BLM: variants seen among roughly 807,000 people sequenced by gnomAD.
BLM encodes BLM RecQ like helicase.
In BLM, 95 loss-of-function variants were observed where a neutral mutation model predicts 135.3. The observed-to-expected ratio is 0.70, with a 90% CI of 0.59 to 0.83. The LOEUF (loss-of-function observed/expected upper bound fraction) is 0.83. Ranked by LOEUF, BLM falls within the 40% of genes least tolerant of loss-of-function variation. The probability of loss-of-function intolerance (pLI) is 0.00; values close to 1 mark genes in which losing one functional copy is unlikely to be tolerated. For missense variants in BLM, 1,518 were observed against 1,663.9 expected (o/e 0.91, Z 1.53); for synonymous variants, 520 against 589.2 (o/e 0.88, Z 1.70).
chr15:90,760,121 A>G (rs778219152), intron 5 of BLM, 26 bp from the exon 6 acceptor site: 4 of 1,602,700 alleles, frequency 2.5e-6, no homozygotes, highest in Non-Finnish European at 3.4e-6. Context: ...TCAAAGAAAA[A>G]TATTAACAAC....
intron 12 of BLM, among the ~76,000 whole-genome samples, chr15:90,774,015 T>G (rs1316548536): frequency 6.6e-6 from 1 of 151,710 alleles, no homozygotes; most frequent in Admixed American, 6.6e-5. Flanking sequence ...AACTGTATGA[T>G]TAACCTTTTC....
chr15:90,742,290 C>CTGAG (rs375718135), intron 1 of BLM, among the ~76,000 whole-genome samples: 41 of 152,276 alleles, frequency 2.7e-4, no homozygotes, highest in African/African-American at 8.7e-4. Flanking sequence ...TGAACAGTCA[C>CTGAG]TGAGTGAGGC....
intron 1 of BLM, among the ~76,000 whole-genome samples, chr15:90,734,133 A>ATGGT (rs1250073896): frequency 2.6e-5 from 4 of 152,194 alleles, no homozygotes; most frequent in African/African-American, 7.2e-5. Context: ...GAATGCAAAG[A>ATGGT]TGGTTTAACA....
intron 15 of BLM, among the ~76,000 whole-genome samples, chr15:90,792,659 G>T (rs906734199): frequency 6.6e-6 from 1 of 152,126 alleles, no homozygotes; most frequent in African/African-American, 2.4e-5. Context: ...TTATAGATAA[G>T]TGTTTATTTA....
chr15:90,737,811 T>G (rs1895258178), intron 1 of BLM, among the ~76,000 whole-genome samples: 2 of 151,272 alleles, frequency 1.3e-5, no homozygotes, highest in Admixed American at 1.3e-4. Context: ...AAGGAAATAA[T>G]AAATATTAGG....
chr15:90,759,982 G>A (rs953307580), intron 5 of BLM, 165 bp from the exon 6 acceptor site: 3 of 574,950 alleles, frequency 5.2e-6, no homozygotes, highest in Non-Finnish European at 9.1e-6. Context: ...TAGTGACAGG[G>A]TCTCACTGTG....
Position 90,815,348 on chromosome 15 carries a change from G to C in BLM, c.*69G>C, listed in dbSNP as rs561223431. On this transcript the variant is annotated 3_prime_UTR_variant, in exon 22 of 22. Transcript: ENST00000355112. The surrounding 1 kb of genome is among the most constrained non-coding windows in gnomAD (Gnocchi z 4.6). ...GCATCTGACCATCTGTGACTATAAAGCTGTTATTCTTGTTATACCATTTGA... is the reference window on the plus strand; with the variant it reads ...GCATCTGACCATCTGTGACTATAAACCTGTTATTCTTGTTATACCATTTGA... The C allele has an allele frequency of 2.7e-5, 42 of 1,539,366 alleles. No homozygotes were observed. The highest frequency in any genetic ancestry group is 3.7e-5 in the Non-Finnish European group (41 of 1,114,602).
chr15:90,790,134 G>C (rs190728178), intron 14 of BLM, among the ~76,000 whole-genome samples: 36 of 151,684 alleles, frequency 2.4e-4, no homozygotes, highest in African/African-American at 8.2e-4. Flanking sequence ...ATCAGCTGGT[G>C]CTATTGGGAA....
At chr15:90,793,096 A>C (rs1896945259) in intron 15 of BLM, among the ~76,000 whole-genome samples, 1 of 151,690 alleles carries the variant, frequency 6.6e-6, no homozygotes, top group Non-Finnish European at 1.5e-5. Context: ...AAAAATACTC[A>C]TAAACTGGAA....
intron 1 of BLM, among the ~76,000 whole-genome samples, chr15:90,717,824 T>C (rs746810290): frequency 7.9e-5 from 12 of 152,246 alleles, no homozygotes; most frequent in Non-Finnish European, 1.5e-4. Flanking sequence ...GAAAACACTT[T>C]GTACTTTTTC....
intron 1 of BLM, among the ~76,000 whole-genome samples, chr15:90,730,121 T>C (rs1895028120): frequency 6.6e-6 from 1 of 152,210 alleles, no homozygotes; most frequent in South Asian, 2.1e-4. Flanking sequence ...CCCAAAGTGC[T>C]GGGATTACAG....
chr15:90,790,007 T>TG (rs1307257834), intron 14 of BLM, among the ~76,000 whole-genome samples: 2 of 126,926 alleles, frequency 1.6e-5, no homozygotes, highest in East Asian at 4.4e-4. Context: ...TTTTTTTTTT[T>TG]TTTTTTTTTT....
chr15:90,756,940 A>G (rs1036433502), intron 5 of BLM, among the ~76,000 whole-genome samples: 1 of 152,244 alleles, frequency 6.6e-6, no homozygotes, highest in Non-Finnish European at 1.5e-5. Context: ...AATGAGGAGA[A>G]TGATATCTAC....
intron 2 of BLM, among the ~76,000 whole-genome samples, chr15:90,748,014 G>A (rs1254693394): frequency 6.6e-6 from 1 of 151,520 alleles, no homozygotes; most frequent in Non-Finnish European, 1.5e-5. Flanking sequence ...CACCTTGTTA[G>A]CCAGGATGGT....
At chr15:90,731,892 G>T (rs904417351) in intron 1 of BLM, among the ~76,000 whole-genome samples, 3 of 152,020 alleles carry the variant, frequency 2.0e-5, no homozygotes, top group Admixed American at 6.5e-5. Flanking sequence ...TAGAGATGAG[G>T]TTTCACCATG....
At chr15:90,790,514 G>A in intron 14 of BLM, 135 bp from the exon 15 acceptor site, 1 of 817,032 alleles carries the variant, frequency 1.2e-6, no homozygotes, top group African/African-American at 1.9e-5. Flanking sequence ...GTTGGACCAA[G>A]TTAAGATATT....
At chr15:90,787,197 C>A (rs1441017616) in intron 14 of BLM, among the ~76,000 whole-genome samples, 3 of 143,784 alleles carry the variant, frequency 2.1e-5, no homozygotes, top group Non-Finnish European at 3.0e-5. Context: ...CTATAGGCAC[C>A]CGCCACCACG....
intron 12 of BLM, among the ~76,000 whole-genome samples, chr15:90,775,422 C>T (rs989016116): frequency 1.2e-4 from 18 of 150,482 alleles, no homozygotes; most frequent in African/African-American, 4.1e-4. Flanking sequence ...AAACTATGTA[C>T]CTCCTGCATA....
chr15:90,770,856 G>A (rs371569109), intron 12 of BLM, among the ~76,000 whole-genome samples: 1 of 152,256 alleles, frequency 6.6e-6, no homozygotes, highest in Non-Finnish European at 1.5e-5. Context: ...AATGGGTCAT[G>A]TGATTAAGAT....
Sources: gnomAD v4.1 joint callset for allele counts (sites outside exome capture counted in the v4.1 genomes callset) on GRCh38, gnomAD v4.1.1 for gene constraint, Gnocchi (gnomAD v3.1) non-coding constraint, MANE v1.5 for transcripts, NCBI Gene and HGNC (gene_info 2026-07-23, HGNC 2026-07-21) for gene names.